Variants in NCALD observed in about 807,000 individuals in gnomAD.
The protein encoded by NCALD is neurocalcin delta.
A neutral mutation model predicts 18.6 loss-of-function variants in NCALD; 10 were observed. The ratio of observed to expected loss-of-function variants is 0.54; its 90% CI spans 0.33 to 0.91. The LOEUF is 0.91. Among genes scored for constraint, NCALD ranks in the 40% least tolerant of loss-of-function variants. The probability of loss-of-function intolerance (pLI) is 0.03; values close to 1 mark genes in which losing one functional copy is unlikely to be tolerated. For synonymous variants in NCALD, 88 were observed against 87.4 expected (o/e 1.01, Z -0.04); for missense variants, 184 against 247.6 (o/e 0.74, Z 1.72).
intron 1 of NCALD, among the ~76,000 whole-genome samples, chr8:101,788,236 G>A (rs1423343586): frequency 2.0e-5 from 3 of 152,172 alleles, no homozygotes; most frequent in Non-Finnish European, 2.9e-5. Flanking sequence ...CATCACTAAC[G>A]TACATATCAA....
At chr8:101,768,788 A>C (rs141660343) in intron 1 of NCALD, among the ~76,000 whole-genome samples, 20 of 152,194 alleles carry the variant, frequency 1.3e-4, no homozygotes, top group African/African-American at 3.4e-4. Context: ...GGGGTAAATT[A>C]ATTTATCTAT....
At chr8:101,912,240 T>G (rs986927369) in intron 3 of NCALD, among the ~76,000 whole-genome samples, 1 of 151,710 alleles carries the variant, frequency 6.6e-6, no homozygotes, top group African/African-American at 2.4e-5. Context: ...GGCAGAATTT[T>G]AAAACACAAG....
intron 2 of NCALD, among the ~76,000 whole-genome samples, chr8:101,991,261 T>C (rs1482958013): frequency 6.6e-6 from 1 of 152,134 alleles, no homozygotes; most frequent in Non-Finnish European, 1.5e-5. Flanking sequence ...CTTGTCATAA[T>C]TGCTATCAAT....
At chr8:102,106,466 TACACACACACAC>T (rs398009101) in intron 1 of NCALD, among the ~76,000 whole-genome samples, 10 of 139,088 alleles carry the variant, frequency 7.2e-5, no homozygotes, top group African/African-American at 2.8e-4. Context: ...TATATATATA[TACACACACACAC>T]ACACACACAC....
At chr8:102,086,368 G>T (rs1184086423) in intron 1 of NCALD, among the ~76,000 whole-genome samples, 2 of 152,168 alleles carry the variant, frequency 1.3e-5, no homozygotes, top group African/African-American at 2.4e-5. Context: ...TAGAACAGAG[G>T]CCTCTTATTC....
At chr8:101,991,281 C>T (rs1331166071) in intron 2 of NCALD, among the ~76,000 whole-genome samples, 1 of 152,098 alleles carries the variant, frequency 6.6e-6, no homozygotes, top group Non-Finnish European at 1.5e-5. Context: ...TCATCAGGTG[C>T]CCCTAACCTC....
chr8:101,770,758 G>T (rs1811551018), intron 1 of NCALD, among the ~76,000 whole-genome samples: 1 of 152,112 alleles, frequency 6.6e-6, no homozygotes, highest in Non-Finnish European at 1.5e-5. Flanking sequence ...GATTTCAAAT[G>T]ATTTTATTTT....
chr8:101,747,395 T>C (rs1358220587), intron 1 of NCALD, among the ~76,000 whole-genome samples: 1 of 152,206 alleles, frequency 6.6e-6, no homozygotes, highest in Non-Finnish European at 1.5e-5. Flanking sequence ...AGTTTGATGA[T>C]ATGGCTAAAA....
At chr8:101,935,250 T>C (rs188012639) in intron 2 of NCALD, among the ~76,000 whole-genome samples, 2 of 152,088 alleles carry the variant, frequency 1.3e-5, no homozygotes, top group Non-Finnish European at 2.9e-5. Context: ...GGGGAATAGG[T>C]ACTCCAAAAA....
intron 2 of NCALD, among the ~76,000 whole-genome samples, chr8:101,928,394 C>T (rs1818415940): frequency 6.6e-6 from 1 of 152,062 alleles, no homozygotes; most frequent in South Asian, 2.1e-4. Flanking sequence ...CAGAAGTAAG[C>T]CTCTTGGACC....
At chr8:101,827,999 A>T (rs1814011691) in intron 4 of NCALD, among the ~76,000 whole-genome samples, 1 of 152,168 alleles carries the variant, frequency 6.6e-6, no homozygotes, top group Non-Finnish European at 1.5e-5. Flanking sequence ...ATGTAGGTGG[A>T]GGATATAAAA....
At chr8:101,953,347 G>A (rs938644833) in intron 2 of NCALD, among the ~76,000 whole-genome samples, 2 of 152,224 alleles carry the variant, frequency 1.3e-5, no homozygotes, top group Non-Finnish European at 2.9e-5. Context: ...TTCATGATGT[G>A]AACCGAGGGT....
At chr8:101,928,945 G>T (rs1201989027) in intron 2 of NCALD, among the ~76,000 whole-genome samples, 1 of 151,922 alleles carries the variant, frequency 6.6e-6, no homozygotes, top group Non-Finnish European at 1.5e-5. Flanking sequence ...AGGGTGTCAG[G>T]GGAGGCGAGG....
chr8:101,992,433 A>G (rs564681889), intron 2 of NCALD, among the ~76,000 whole-genome samples: 4 of 152,340 alleles, frequency 2.6e-5, no homozygotes, highest in African/African-American at 9.6e-5. Flanking sequence ...GCCATGCATT[A>G]TGGGTTAATA....
intron 4 of NCALD, among the ~76,000 whole-genome samples, chr8:101,805,327 T>C (rs1813059828): frequency 6.6e-6 from 1 of 152,100 alleles, no homozygotes; most frequent in Non-Finnish European, 1.5e-5. Context: ...TCAAGGAATA[T>C]AATTATCTCC....
rs546117847 is a variant in NCALD, at chr8:101,992,328, A to C, written c.-157+27909T>G. Among the ~76,000 whole-genome samples, 3 of 152,356 alleles carry C rather than the reference A, an allele frequency of 2.0e-5. No individual in the cohort carries two copies. In the East Asian group the frequency reaches 5.8e-4, roughly 29 times the overall value. ...ATAACCTTTTCCCAAGGTCAAGTGA[A>C]TTTATGAATTTCTATTATTAAACTG... On this transcript the variant is annotated intron_variant, in intron 2 of 6. Transcript: ENST00000311028.
At chr8:102,084,596 A>C (rs1453727183) in intron 1 of NCALD, among the ~76,000 whole-genome samples, 26 of 152,162 alleles carry the variant, frequency 1.7e-4, no homozygotes, top group Non-Finnish European at 4.4e-5. Context: ...GCCTGCCAGC[A>C]CTTGGGAGGG....
chr8:101,780,124 T>TA (rs1470099520), intron 1 of NCALD: 1 of 152,194 alleles, frequency 6.6e-6, no homozygotes, highest in Non-Finnish European at 1.5e-5. Context: ...ACCATAAACA[T>TA]ATATTGATTC....
intron 2 of NCALD, among the ~76,000 whole-genome samples, chr8:102,000,042 A>AC (rs572601276): frequency 7.1e-4 from 108 of 152,302 alleles, no homozygotes; most frequent in African/African-American, 2.0e-3. Context: ...TGGGTGCAGG[A>AC]CAGTGGGTCC....
Sources: allele counts gnomAD v4.1 joint callset (sites outside exome capture counted in the v4.1 genomes callset), GRCh38; gene constraint gnomAD v4.1.1; transcripts MANE v1.5; gene names NCBI Gene and HGNC (gene_info 2026-07-23, HGNC 2026-07-21).